The following PDE4D variants were observed in gnomAD, a reference collection of about 807,000 sequenced individuals.
PDE4D encodes 3',5'-cyclic-AMP phosphodiesterase 4D.
A neutral mutation model predicts 87.4 loss-of-function variants in PDE4D; 24 were observed. That is an observed-to-expected ratio of 0.27 (90% CI 0.20 to 0.39). The LOEUF (loss-of-function observed/expected upper bound fraction) is 0.39. Ranked by LOEUF, PDE4D falls within the 10% of genes least tolerant of loss-of-function variation. PDE4D has a pLI of 1.00. For missense variants in PDE4D, 714 were observed against 1,041.0 expected, an observed-to-expected ratio of 0.69 and a Z score of 4.32; for synonymous variants, 384 against 383.2, an observed-to-expected ratio of 1.00 and a Z score of -0.02.
At chr5:60,451,998 A>G (rs1166288199) in intron 1 of PDE4D, among the ~76,000 whole-genome samples, 2 of 152,154 alleles carry the variant, frequency 1.3e-5, no homozygotes, top group African/African-American at 2.4e-5. Flanking sequence ...GTGACCAAAT[A>G]GTTTTTCTCA....
Position 58,990,840 on chromosome 5 carries a change from G to C in PDE4D, c.1251C>G (p.Asn417Lys). The change falls in exon 9 of 15, where the codon AAC becomes AAG. Residue 417 changes from asparagine (N) to lysine (K), a missense_variant. By Grantham distance (94) the Asn-to-Lys change is moderately conservative (BLOSUM62 0). Around this residue, in one of 7 missense-constraint regions of PDE4D, gnomAD observed 141 missense variants for 204.3 expected, o/e 0.69. Transcript: ENST00000340635. ...TGTGCATGATAACAGTCAAGGGCCG[G>C]TTACCAGACAACTCTGCTATTCTGA... ...HVFRIAELSG[N>K]RPLTVIMHTI... 3.1e-6 allele frequency: 5 copies of C among 1,605,344 alleles called. No individual in the cohort carries two copies. Among genetic ancestry groups the C allele is most frequent in the Non-Finnish European group, 4.3e-6 (5 of 1,175,176 alleles).
At chr5:60,464,581 C>T (rs1201695322) in intron 1 of PDE4D, among the ~76,000 whole-genome samples, 1 of 152,122 alleles carries the variant, frequency 6.6e-6, no homozygotes, top group African/African-American at 2.4e-5. Context: ...TTGTTGCTTC[C>T]CCTGGAAGCA....
chr5:59,001,979 C>T (rs879805218), intron 6 of PDE4D: 46 of 492,958 alleles, frequency 9.3e-5, no homozygotes, highest in African/African-American at 4.9e-4. Flanking sequence ...TTCCCCTATA[C>T]GGCATCACCT....
chr5:60,466,991 T>C (rs575028969), intron 1 of PDE4D, among the ~76,000 whole-genome samples: 3 of 152,040 alleles, frequency 2.0e-5, no homozygotes, highest in East Asian at 3.9e-4. Flanking sequence ...ACTACTTTAT[T>C]TTAACAGATC....
intron 1 of PDE4D, among the ~76,000 whole-genome samples, chr5:59,856,845 C>G (rs1745517242): frequency 6.6e-6 from 1 of 152,128 alleles, no homozygotes; most frequent in Non-Finnish European, 1.5e-5. Flanking sequence ...TGTTAGTCCT[C>G]TTTTTAAAAT....
intron 12 of PDE4D, among the ~76,000 whole-genome samples, 188 bp from the exon 13 acceptor site, chr5:58,976,660 T>C (rs936203804): frequency 1.3e-5 from 2 of 152,154 alleles, no homozygotes; most frequent in African/African-American, 4.8e-5. Context: ...AAAGCCCAGA[T>C]AAATGTGTGT....
rs1484435014 is a variant in PDE4D, at chr5:59,867,033, A to G, written c.455+26135T>C. Among the ~76,000 whole-genome samples, 3 of 152,200 alleles carry G rather than the reference A, an allele frequency of 2.0e-5. No individual in the cohort carries two copies. The East Asian group carries it at 5.8e-4, about 29-fold the overall frequency. On this transcript the variant is annotated intron_variant, in intron 1 of 14. Coordinates refer to ENST00000340635, the MANE Select transcript of PDE4D (RefSeq NM_001104631.2). ...AAAGTAGAAAGTAAAAGCTGTTTCC[A>G]CTTTTTGAAGATAATTTGCAAACTG...
Position 60,138,799 on chromosome 5 carries a change from T to C in PDE4D, c.42+46758A>G, listed in dbSNP as rs191976674. Among the ~76,000 whole-genome samples the C allele has an allele frequency of 1.7e-3, 254 of 152,248 alleles. 2 individuals carry two copies. Among genetic ancestry groups the C allele is most frequent in the Non-Finnish European group, 2.0e-3 (137 of 68,004 alleles). On this transcript the variant is annotated intron_variant, in intron 2 of 16. Coordinates refer to the PDE4D transcript ENST00000502484. ...TATAAATGGTAAATATATATACTGATATATAACTACTATAAATAATTGCCT... is the reference window on the plus strand; with the variant it reads ...TATAAATGGTAAATATATATACTGACATATAACTACTATAAATAATTGCCT...
intron 5 of PDE4D, among the ~76,000 whole-genome samples, chr5:59,158,202 T>C (rs948114469): frequency 2.6e-5 from 4 of 152,186 alleles, no homozygotes; most frequent in African/African-American, 9.7e-5. Flanking sequence ...ATCATTTAAC[T>C]CTTCTCTGCC....
chr5:59,748,872 G>T (rs1331724452), intron 1 of PDE4D, among the ~76,000 whole-genome samples: 1 of 152,168 alleles, frequency 6.6e-6, no homozygotes, highest in African/African-American at 2.4e-5. Flanking sequence ...GAAGTCTTCT[G>T]CCAACAGCCA....
intron 1 of PDE4D, among the ~76,000 whole-genome samples, chr5:59,861,055 G>C (rs1483167862): frequency 6.8e-6 from 1 of 146,016 alleles, no homozygotes; most frequent in Non-Finnish European, 1.5e-5. Flanking sequence ...ATTTTTACTA[G>C]AGATGGAGTT....
At chr5:59,039,589 C>CCCCCTCACG in intron 5 of PDE4D, 3 of 833,546 alleles carry the variant, frequency 3.6e-6, no homozygotes, top group Non-Finnish European at 4.3e-6. Context: ...CGGGAACACT[C>CCCCCTCACG]CCCCTCACGC....
intron 2 of PDE4D, among the ~76,000 whole-genome samples, chr5:60,012,143 A>C (rs1326955716): frequency 6.6e-6 from 1 of 152,238 alleles, no homozygotes; most frequent in African/African-American, 2.4e-5. Context: ...TCAGATCTAA[A>C]AATTACTCCC....
chr5:60,427,535 C>T (rs1221885447), intron 1 of PDE4D, among the ~76,000 whole-genome samples: 1 of 152,100 alleles, frequency 6.6e-6, no homozygotes, highest in Non-Finnish European at 1.5e-5. Context: ...AAATTAATCA[C>T]CAGCAGACCT....
chr5:59,236,801 G>C (rs916163603), intron 1 of PDE4D, among the ~76,000 whole-genome samples: 1 of 151,946 alleles, frequency 6.6e-6, no homozygotes, highest in Admixed American at 6.6e-5. Flanking sequence ...AGGAGAGAGG[G>C]AGAGAAGGAA....
chr5:60,066,701 T>C (rs1772141342), intron 2 of PDE4D, among the ~76,000 whole-genome samples: 2 of 152,098 alleles, frequency 1.3e-5, no homozygotes, highest in East Asian at 1.9e-4. Flanking sequence ...AGATGAGTCA[T>C]CTCATTCGTA....
intron 2 of PDE4D, among the ~76,000 whole-genome samples, chr5:60,148,874 G>A (rs1231957787): frequency 6.6e-6 from 1 of 152,142 alleles, no homozygotes; most frequent in Non-Finnish European, 1.5e-5. Flanking sequence ...TCCTGTATGG[G>A]AAACTCAAAT....
At chr5:59,234,800 C>T (rs756684158) in intron 1 of PDE4D, among the ~76,000 whole-genome samples, 20 of 152,110 alleles carry the variant, frequency 1.3e-4, no homozygotes, top group Non-Finnish European at 2.2e-4. Context: ...TGATTATATA[C>T]TTTGCTGACC....
At chr5:59,469,188 C>T (rs7723289) in intron 1 of PDE4D, among the ~76,000 whole-genome samples, 3,055 of 151,954 alleles carry the variant, frequency 0.02, 117 homozygotes, top group African/African-American at 0.069. Flanking sequence ...ATTAGCAGGG[C>T]GTGGTAGCGG....
Sources: gnomAD v4.1 joint callset for allele counts (sites outside exome capture counted in the v4.1 genomes callset) on GRCh38, gnomAD v4.1.1 for gene constraint, gnomAD v4.1.1 regional missense constraint, MANE v1.5 for transcripts, NCBI Gene and HGNC (gene_info 2026-07-23, HGNC 2026-07-21) for gene names.